REEP1: variants seen among roughly 807,000 people sequenced by gnomAD.
REEP1 encodes receptor expression-enhancing protein 1.
In REEP1, 22 loss-of-function variants were observed where a neutral mutation model predicts 40.3. The observed-to-expected ratio is 0.55, with a 90% CI of 0.39 to 0.78. The LOEUF is 0.78. REEP1 is among the 30% of genes least tolerant of loss of function. REEP1 has a pLI of 0.00. For synonymous variants in REEP1, 116 were observed against 139.2 expected, an observed-to-expected ratio of 0.83 and a Z score of 1.17; for missense variants, 280 against 361.1, an observed-to-expected ratio of 0.78 and a Z score of 1.82.
intron 5 of REEP1, among the ~76,000 whole-genome samples, chr2:86,241,877 C>T (rs1406542289): frequency 6.6e-6 from 1 of 152,124 alleles, no homozygotes; most frequent in East Asian, 1.9e-4. Context: ...AAAGTCAGGC[C>T]CAGAACAGTG....
chr2:86,324,050 A>G (rs372614490), intron 1 of REEP1, among the ~76,000 whole-genome samples: 3 of 152,312 alleles, frequency 2.0e-5, no homozygotes, highest in African/African-American at 4.8e-5. Flanking sequence ...TTAAATGTGA[A>G]CAGAAAAACT....
At chr2:86,301,122 A>G (rs1474949666) in intron 1 of REEP1, among the ~76,000 whole-genome samples, 1 of 152,238 alleles carries the variant, frequency 6.6e-6, no homozygotes, top group Admixed American at 6.5e-5. Flanking sequence ...CCCACAGTGA[A>G]GATGTGAGAC....
At chr2:86,282,860 C>T (rs1346698761) in intron 1 of REEP1, among the ~76,000 whole-genome samples, 2 of 152,126 alleles carry the variant, frequency 1.3e-5, no homozygotes, top group African/African-American at 2.4e-5. Context: ...CTCAGGGCTG[C>T]GTTGGGTCAC....
At chr2:86,256,049 G>A (rs1676537079) in intron 3 of REEP1, among the ~76,000 whole-genome samples, 1 of 152,064 alleles carries the variant, frequency 6.6e-6, no homozygotes, top group African/African-American at 2.4e-5. Flanking sequence ...AATTGCTAGA[G>A]ATAGTAAAGA....
chr2:86,278,779 C>T (rs568444681), intron 2 of REEP1, among the ~76,000 whole-genome samples: 1 of 152,308 alleles, frequency 6.6e-6, no homozygotes, highest in Admixed American at 6.5e-5. Context: ...ACACACTTTC[C>T]TATGGTGTGA....
intron 1 of REEP1, among the ~76,000 whole-genome samples, chr2:86,308,816 T>C (rs1558929078): frequency 6.6e-6 from 1 of 152,146 alleles, no homozygotes; most frequent in South Asian, 2.1e-4. Context: ...CAAACTGGCA[T>C]AAGCAGTAAA....
At chr2:86,265,514 AT>A (rs1424475975) in intron 2 of REEP1, among the ~76,000 whole-genome samples, 2 of 152,194 alleles carry the variant, frequency 1.3e-5, no homozygotes, top group Non-Finnish European at 2.9e-5. Flanking sequence ...GCAAAAAAAA[AT>A]CTACAACCTA....
intron 1 of REEP1, among the ~76,000 whole-genome samples, chr2:86,335,851 A>C (rs1429707085): frequency 0.076 from 20 of 264 alleles, no homozygotes; most frequent in Admixed American, 0.33. Flanking sequence ...ACTCGGTCTC[A>C]AAAAAAAAAA....
chr2:86,318,380 GTTTTC>G (rs200585932), intron 1 of REEP1, among the ~76,000 whole-genome samples: 19,367 of 140,540 alleles, frequency 0.14, 2,917 homozygotes, highest in African/African-American at 0.39. Context: ...GGAAAAAGTA[GTTTTC>G]TTTTCTTTTC....
intron 1 of REEP1, among the ~76,000 whole-genome samples, chr2:86,305,248 G>A (rs1312451170): frequency 6.6e-6 from 1 of 152,124 alleles, no homozygotes; most frequent in African/African-American, 2.4e-5. Flanking sequence ...AAATGTCCTC[G>A]CTTGCTCAAG....
chr2:86,303,144 G>A (rs1350187497), intron 1 of REEP1, among the ~76,000 whole-genome samples: 3 of 151,512 alleles, frequency 2.0e-5, no homozygotes, highest in African/African-American at 2.4e-5. Flanking sequence ...CTAGGCTCAC[G>A]TGATCCTCTG....
intron 1 of REEP1, among the ~76,000 whole-genome samples, chr2:86,311,750 G>A (rs1679775102): frequency 6.6e-6 from 1 of 152,134 alleles, no homozygotes; most frequent in Non-Finnish European, 1.5e-5. Context: ...GGTTCCAGGT[G>A]GACATGAATT....
chr2:86,257,227 A>T (rs1267454889), intron 3 of REEP1, among the ~76,000 whole-genome samples: 2 of 152,232 alleles, frequency 1.3e-5, no homozygotes, highest in Non-Finnish European at 2.9e-5. Context: ...AAATGAATCC[A>T]GCAAGCTCAG....
intron 1 of REEP1, among the ~76,000 whole-genome samples, chr2:86,326,622 G>C (rs771344779): frequency 2.0e-5 from 3 of 152,036 alleles, no homozygotes; most frequent in Non-Finnish European, 4.4e-5. Context: ...TGAGGGAGGA[G>C]AATCGCCTGA....
intron 1 of REEP1, among the ~76,000 whole-genome samples, chr2:86,298,134 G>A (rs554896711): frequency 6.2e-4 from 94 of 152,310 alleles, no homozygotes; most frequent in African/African-American, 2.1e-3. Flanking sequence ...GTAGGGAAGG[G>A]CATGCTAGGC....
rs1673977111 is a variant in REEP1, at chr2:86,214,017, CTT to C, written c.*3020_*3021del. On this transcript the variant is annotated 3_prime_UTR_variant, in exon 9 of 9. Coordinates refer to ENST00000538924, the MANE Select transcript of REEP1 (RefSeq NM_001371279.1). ...GTTTTTTAAAAGAAAAATGTTAAGA[CTT>C]TATTCAAGATGTGTATCAGGCATTA... The C allele has an allele frequency of 4.1e-6, 1 of 244,706 alleles. No individual in the cohort carries two copies. Among genetic ancestry groups the C allele is most frequent in the South Asian group, 6.3e-5 (1 of 15,794 alleles). 15.2% of individuals were successfully genotyped at this position (244,706 alleles called of 1,614,324 possible).
Position 86,216,066 on chromosome 2 carries a change from A to C in REEP1, c.*973T>G, listed in dbSNP as rs1674096899. On this transcript the variant is annotated 3_prime_UTR_variant, in exon 9 of 9. Coordinates refer to ENST00000538924, the MANE Select transcript of REEP1 (RefSeq NM_001371279.1). Reference sequence around the variant, plus strand: ...AAGTTTTGCTAGAGTTCGCTAAAACAAGGTGCTCAGAGTGTAAGCTCCTCT... The same window carrying C: ...AAGTTTTGCTAGAGTTCGCTAAAACCAGGTGCTCAGAGTGTAAGCTCCTCT... 6.6e-6 allele frequency: 1 copy of C among 152,250 alleles called. No homozygotes were observed. Among genetic ancestry groups the C allele is most frequent in the Non-Finnish European group, 1.5e-5 (1 of 68,054 alleles). 9.4% of individuals were successfully genotyped at this position (152,250 alleles called of 1,614,324 possible).
At chr2:86,246,006 C>A (rs184259922) in intron 5 of REEP1, among the ~76,000 whole-genome samples, 1 of 152,062 alleles carries the variant, frequency 6.6e-6, no homozygotes, top group African/African-American at 2.4e-5. Context: ...CCTCGTGATC[C>A]GCCCGCCTTG....
rs990042378 is a variant in REEP1 at position 86,337,397 on chromosome 2, G to C, written c.32+82C>G. 1.1e-4 allele frequency: 109 copies of C among 962,750 alleles called. No individual in the cohort carries two copies. Among genetic ancestry groups the C allele is most frequent in the Admixed American group, 1.8e-4 (4 of 21,640 alleles). The allele number at this position is 962,750 out of a possible 1,614,324, so 59.6% of individuals were successfully genotyped here. ...ATTAATAGCCCGAGCCACTGGGACCGGGCGCTGTAGGGGCGCGCGCAGCCC... is the reference window on the plus strand; with the variant it reads ...ATTAATAGCCCGAGCCACTGGGACCCGGCGCTGTAGGGGCGCGCGCAGCCC... On this transcript the variant is annotated intron_variant, in intron 1 of 8. Transcript: ENST00000538924. The surrounding 1 kb of genome is among the most constrained non-coding windows in gnomAD (Gnocchi z 5.8).
Sources: allele counts gnomAD v4.1 joint callset (sites outside exome capture counted in the v4.1 genomes callset), GRCh38; gene constraint gnomAD v4.1.1; non-coding constraint Gnocchi (gnomAD v3.1); transcripts MANE v1.5; gene names NCBI Gene and HGNC (gene_info 2026-07-23, HGNC 2026-07-21).